The following GABBR2 variants were observed in gnomAD, a reference collection of about 807,000 sequenced individuals.
GABBR2 encodes G-protein coupled receptor 51.
Under a neutral mutation model 105.6 loss-of-function variants are expected in GABBR2, and 23 were observed. The observed-to-expected ratio is 0.22, with a 90% CI of 0.16 to 0.31. GABBR2 has a LOEUF of 0.31. Ranked by LOEUF, GABBR2 falls within the 10% of genes least tolerant of loss-of-function variation. The pLI is 1.00. For synonymous variants in GABBR2, 478 were observed against 499.7 expected, an observed-to-expected ratio of 0.96 and a Z score of 0.58; for missense variants, 734 against 1,245.5, an observed-to-expected ratio of 0.59 and a Z score of 6.18.
intron 14 of GABBR2, among the ~76,000 whole-genome samples, chr9:98,307,729 T>C (rs182964251): frequency 2.0e-5 from 3 of 152,248 alleles, no homozygotes; most frequent in Admixed American, 1.3e-4. Flanking sequence ...ATAATATCTA[T>C]GTCACAGGGT....
rs911156331 is a variant in GABBR2 at position 98,662,565 on chromosome 9, G to A, written c.321+45852C>T. Among the ~76,000 whole-genome samples, 5 of 152,214 alleles carry A rather than the reference G, an allele frequency of 3.3e-5. No homozygotes were observed. In the East Asian group the frequency reaches 9.6e-4, roughly 29 times the overall value. On this transcript the variant is annotated intron_variant, in intron 1 of 18. Coordinates refer to ENST00000259455, the MANE Select transcript of GABBR2 (RefSeq NM_005458.8). ...AGGAGTTATTTAAAAGGGGAGCAGA[G>A]CTCCAGAGAAGGGTAAATTTCCAAC...
intron 1 of GABBR2, among the ~76,000 whole-genome samples, chr9:98,672,907 T>A (rs937219134): frequency 2.0e-5 from 3 of 152,220 alleles, no homozygotes; most frequent in Admixed American, 2.0e-4. Flanking sequence ...CCTTTAATCA[T>A]CTTGGCTGGC....
intron 6 of GABBR2, among the ~76,000 whole-genome samples, chr9:98,458,340 C>T (rs1196463279): frequency 3.9e-5 from 6 of 152,206 alleles, no homozygotes; most frequent in Non-Finnish European, 7.3e-5. Flanking sequence ...TTTGGAAGTA[C>T]ACGAGAGAAT....
At chr9:98,483,092 A>C (rs1826962692) in intron 4 of GABBR2, among the ~76,000 whole-genome samples, 1 of 152,084 alleles carries the variant, frequency 6.6e-6, no homozygotes. Context: ...CCTCCAGCGC[A>C]ACATGTCCCA....
At chr9:98,590,593 G>C (rs918751063) in intron 1 of GABBR2, among the ~76,000 whole-genome samples, 3 of 152,242 alleles carry the variant, frequency 2.0e-5, no homozygotes, top group Non-Finnish European at 4.4e-5. Flanking sequence ...GATCAGGAGA[G>C]GGGTGCTCTT....
At chr9:98,405,865 AC>A (rs1228584848) in intron 8 of GABBR2, among the ~76,000 whole-genome samples, 1 of 152,202 alleles carries the variant, frequency 6.6e-6, no homozygotes, top group African/African-American at 2.4e-5. Context: ...CAGACGTGGA[AC>A]CCATGGAGAT....
intron 16 of GABBR2, among the ~76,000 whole-genome samples, chr9:98,302,448 C>T (rs751296827): frequency 7.9e-5 from 12 of 152,206 alleles, no homozygotes; most frequent in Non-Finnish European, 8.8e-5. Context: ...CTGCCCCAAC[C>T]GGGCCCTCTC....
At chr9:98,444,825 G>A (rs993894383) in intron 7 of GABBR2, among the ~76,000 whole-genome samples, 1 of 152,150 alleles carries the variant, frequency 6.6e-6, no homozygotes, top group Non-Finnish European at 1.5e-5. Flanking sequence ...CTCAGGAAGG[G>A]ATTCCTCCAA....
chr9:98,427,592 T>C (rs1024575062), intron 7 of GABBR2, among the ~76,000 whole-genome samples: 7 of 152,200 alleles, frequency 4.6e-5, no homozygotes, highest in East Asian at 1.9e-4. Flanking sequence ...CCCTTCCACA[T>C]TGAATAGGGC....
intron 2 of GABBR2, among the ~76,000 whole-genome samples, chr9:98,545,764 C>T (rs1490920905): frequency 6.6e-6 from 1 of 152,130 alleles, no homozygotes; most frequent in African/African-American, 2.4e-5. Flanking sequence ...GACTTGAACC[C>T]GGGTCTATAG....
intron 12 of GABBR2, among the ~76,000 whole-genome samples, chr9:98,365,995 T>C (rs1831670055): frequency 6.6e-6 from 1 of 152,162 alleles, no homozygotes; most frequent in Non-Finnish European, 1.5e-5. Flanking sequence ...TCTCTGTGGG[T>C]AGGAGGTACT....
At chr9:98,551,090 G>A (rs1258091626) in intron 2 of GABBR2, among the ~76,000 whole-genome samples, 2 of 152,108 alleles carry the variant, frequency 1.3e-5, no homozygotes, top group East Asian at 1.9e-4. Context: ...ATGAACACAC[G>A]TCTGACTTGG....
At chr9:98,662,860 A>T (rs1341999924) in intron 1 of GABBR2, among the ~76,000 whole-genome samples, 2 of 152,184 alleles carry the variant, frequency 1.3e-5, no homozygotes, top group Non-Finnish European at 2.9e-5. Flanking sequence ...ACTAGAGTCA[A>T]ATCACAACAC....
At chr9:98,663,108 T>C (rs934110111) in intron 1 of GABBR2, among the ~76,000 whole-genome samples, 4 of 152,150 alleles carry the variant, frequency 2.6e-5, no homozygotes, top group Non-Finnish European at 5.9e-5. Context: ...ACAATGGCTC[T>C]TACAAGCCTG....
At chr9:98,321,398 G>A (rs1017082342) in intron 13 of GABBR2, among the ~76,000 whole-genome samples, 1 of 152,158 alleles carries the variant, frequency 6.6e-6, no homozygotes, top group African/African-American at 2.4e-5. Flanking sequence ...GCTCTTGCCT[G>A]TACCCCACCC....
Position 98,394,335 on chromosome 9 carries a change from C to T in GABBR2, c.1298-80G>A. Reference sequence around the variant, plus strand: ...GGTGCTCCTATTCCAGGCTCTTGCTCCCCTCACAGGCCCTGGATATATTCT... The same window carrying T: ...GGTGCTCCTATTCCAGGCTCTTGCTTCCCTCACAGGCCCTGGATATATTCT... On this transcript the variant is annotated intron_variant, in intron 8 of 18. Transcript: ENST00000259455. 4.3e-6 allele frequency: 4 copies of T among 937,608 alleles called. 1 individual carries two copies. The South Asian group carries it at 5.4e-5, about 13-fold the overall frequency. The allele number at this position is 937,608 out of a possible 1,614,324, so 58.1% of individuals were successfully genotyped here.
chr9:98,374,246 C>T (rs1271217609), intron 11 of GABBR2, among the ~76,000 whole-genome samples: 1 of 152,156 alleles, frequency 6.6e-6, no homozygotes, highest in Non-Finnish European at 1.5e-5. Flanking sequence ...TTTGTGAGGG[C>T]TAAATTCACT....
chr9:98,700,152 C>T (rs1480903501), intron 1 of GABBR2, among the ~76,000 whole-genome samples: 2 of 152,166 alleles, frequency 1.3e-5, no homozygotes, highest in Non-Finnish European at 2.9e-5. Flanking sequence ...CAGTGAGCTC[C>T]TCAAGGGCAG....
intron 7 of GABBR2, among the ~76,000 whole-genome samples, chr9:98,432,700 T>G (rs1825834926): frequency 6.6e-6 from 1 of 152,190 alleles, no homozygotes; most frequent in African/African-American, 2.4e-5. Flanking sequence ...AACCTTTTCT[T>G]TTCCATTATT....
Sources: allele counts gnomAD v4.1 joint callset (sites outside exome capture counted in the v4.1 genomes callset), GRCh38; gene constraint gnomAD v4.1.1; transcripts MANE v1.5; gene names NCBI Gene and HGNC (gene_info 2026-07-23, HGNC 2026-07-21).